PARM1: variants seen among roughly 807,000 people sequenced by gnomAD.
PARM1 encodes prostate androgen-regulated mucin-like protein 1.
In PARM1, 14 loss-of-function variants were observed where a neutral mutation model predicts 24.6. That is an observed-to-expected ratio of 0.57 (90% CI 0.38 to 0.89). The LOEUF (loss-of-function observed/expected upper bound fraction) is 0.89, where lower values mean the gene tolerates loss of function less well. PARM1 is among the 40% of genes least tolerant of loss of function. The pLI is 0.00. For synonymous variants in PARM1, 179 were observed against 156.6 expected (o/e 1.14, Z -1.07); for missense variants, 362 against 380.4 (o/e 0.95, Z 0.40).
At chr4:74,983,113 A>G (rs1722290115) in intron 1 of PARM1, among the ~76,000 whole-genome samples, 1 of 152,210 alleles carries the variant, frequency 6.6e-6, no homozygotes, top group South Asian at 2.1e-4. Flanking sequence ...GGAACTGATT[A>G]CAATTCATGA....
Position 74,936,757 on chromosome 4 carries a change from G to C in PARM1, c.43+3387G>C, listed in dbSNP as rs17248887. On this transcript the variant is annotated intron_variant, in intron 1 of 3. Coordinates refer to ENST00000307428, the MANE Select transcript of PARM1 (RefSeq NM_015393.4). ...GGTGTGAGCCACCGCGCCCGGGCAC[G>C]TTCAAGTTTTTTATGGCCCTATTTA... is the stretch of plus-strand genomic sequence containing the variant. Among the ~76,000 whole-genome samples, 4 of 152,034 alleles carry C rather than the reference G, an allele frequency of 2.6e-5. No homozygotes were observed. The South Asian group carries it at 6.2e-4, about 24-fold the overall frequency.
intron 1 of PARM1, among the ~76,000 whole-genome samples, chr4:74,975,132 A>G (rs1722116675): frequency 6.6e-6 from 1 of 152,222 alleles, no homozygotes; most frequent in Non-Finnish European, 1.5e-5. Context: ...AGTCTCTGCA[A>G]AGCTAGAACA....
chr4:74,959,417 T>C (rs1229429919), intron 1 of PARM1, among the ~76,000 whole-genome samples: 4 of 152,214 alleles, frequency 2.6e-5, no homozygotes. Flanking sequence ...ATTTCCACCT[T>C]AGAGAGTGTC....
intron 1 of PARM1, among the ~76,000 whole-genome samples, chr4:74,951,803 T>A (rs1721530371): frequency 6.6e-6 from 1 of 152,240 alleles, no homozygotes; most frequent in African/African-American, 2.4e-5. Context: ...TTCCATGGTG[T>A]GTATGTGCTA....
chr4:75,017,767 A>C (rs533084998), intron 2 of PARM1, among the ~76,000 whole-genome samples: 62 of 152,350 alleles, frequency 4.1e-4, no homozygotes, highest in Admixed American at 8.5e-4. Flanking sequence ...AACAGAGCCC[A>C]ACACATGGTA....
chr4:74,979,399 A>C (rs1380619258), intron 1 of PARM1, among the ~76,000 whole-genome samples: 1 of 152,200 alleles, frequency 6.6e-6, no homozygotes, highest in Non-Finnish European at 1.5e-5. Context: ...CACCCTCCCC[A>C]GACTGAGCCA....
At chr4:75,044,481 T>C (rs1723560038) in intron 3 of PARM1, among the ~76,000 whole-genome samples, 1 of 152,208 alleles carries the variant, frequency 6.6e-6, no homozygotes, top group Non-Finnish European at 1.5e-5. Context: ...GAGGACTTAC[T>C]GTGTGTCAGA....
At chr4:74,979,124 A>C (rs541951332) in intron 1 of PARM1, among the ~76,000 whole-genome samples, 28 of 152,092 alleles carry the variant, frequency 1.8e-4, no homozygotes, top group African/African-American at 6.8e-4. Context: ...GAACAGAAGG[A>C]GATAGAGACG....
intron 1 of PARM1, among the ~76,000 whole-genome samples, chr4:75,008,351 T>C (rs1722810525): frequency 6.6e-6 from 1 of 152,212 alleles, no homozygotes; most frequent in Non-Finnish European, 1.5e-5. Flanking sequence ...AGGGTAGGAA[T>C]TGTAAAAGTG....
intron 1 of PARM1, among the ~76,000 whole-genome samples, chr4:74,942,588 G>C (rs983618353): frequency 6.6e-6 from 1 of 152,208 alleles, no homozygotes; most frequent in Non-Finnish European, 1.5e-5. Context: ...TCATTCTTGA[G>C]TCCTGTTTTT....
chr4:75,017,092 C>T (rs1033935075), intron 2 of PARM1, among the ~76,000 whole-genome samples: 12 of 152,146 alleles, frequency 7.9e-5, no homozygotes, highest in Non-Finnish European at 1.6e-4. Context: ...ACTGTATATC[C>T]TGTCCATGAG....
chr4:75,012,574 G>A lies in PARM1; in HGVS notation c.193G>A (p.Val65Met). The A allele has an allele frequency of 1.2e-6, 2 of 1,613,884 alleles. No homozygotes were observed. The highest frequency in any genetic ancestry group is 1.7e-5 in the Admixed American group (1 of 60,014). ...SPSNGTHNNSVLPVTASAPTS... is the reference protein window; with the variant it reads ...SPSNGTHNNSMLPVTASAPTS... ...ATCCAACGGCACTCACAACAACTCG[G>A]TGCTCCCAGTTACAGCATCAGCCCC... Residue 65 changes from valine (V) to methionine (M), a missense_variant, in exon 2 of 4, where the codon GTG (valine) becomes ATG (methionine). By Grantham distance (21) the Val-to-Met change is conservative. Coordinates refer to ENST00000307428, the MANE Select transcript of PARM1 (RefSeq NM_015393.4).
At chr4:74,946,549 A>G (rs555382556) in intron 1 of PARM1, among the ~76,000 whole-genome samples, 1 of 152,308 alleles carries the variant, frequency 6.6e-6, no homozygotes, top group Non-Finnish European at 1.5e-5. Flanking sequence ...AAAAGAATGA[A>G]GGCTCCTGGG....
chr4:74,997,489 A>G (rs577847562), intron 1 of PARM1, among the ~76,000 whole-genome samples: 2 of 152,334 alleles, frequency 1.3e-5, no homozygotes, highest in African/African-American at 4.8e-5. Flanking sequence ...GACATATCTG[A>G]GCCCAAATCC....
At chr4:75,011,730 G>C (rs1186696311) in intron 1 of PARM1, among the ~76,000 whole-genome samples, 1 of 152,210 alleles carries the variant, frequency 6.6e-6, no homozygotes, top group Non-Finnish European at 1.5e-5. Context: ...TGGAATTTCA[G>C]ACGACAGGGT....
intron 2 of PARM1, 84 bp from the exon 3 acceptor site, chr4:75,033,799 G>C: frequency 9.7e-7 from 1 of 1,030,620 alleles, no homozygotes; most frequent in South Asian, 1.6e-5. Context: ...GGATCAGGCA[G>C]AAGGTGGATA....
rs192863652 is a variant in PARM1 at position 74,992,893 on chromosome 4, G to A, written c.44-19532G>A. 3.3e-3 allele frequency among the ~76,000 whole-genome samples: 507 copies of A among 152,262 alleles called. 5 individuals carry two copies. The highest frequency in any genetic ancestry group is 0.011 in the African/African-American group (472 of 41,546). ...TGAAAATCTGGATCTAAACAAAGGA[G>A]TGAAGTGCTCCAGAAAGTATCTTTT... On this transcript the variant is annotated intron_variant, in intron 1 of 3. Transcript: ENST00000307428.
At chr4:74,987,598 G>A (rs566704865) in intron 1 of PARM1, among the ~76,000 whole-genome samples, 37 of 152,160 alleles carry the variant, frequency 2.4e-4, no homozygotes, top group South Asian at 1.0e-3. Context: ...AATATTCAAG[G>A]TGTTTGTTAA....
At chr4:74,939,472 A>T (rs768266948) in intron 1 of PARM1, among the ~76,000 whole-genome samples, 4 of 152,128 alleles carry the variant, frequency 2.6e-5, no homozygotes, top group Non-Finnish European at 5.9e-5. Context: ...TAATGGTAGC[A>T]ATGATCTTGC....
Sources: gnomAD v4.1 joint callset for allele counts (sites outside exome capture counted in the v4.1 genomes callset) on GRCh38, gnomAD v4.1.1 for gene constraint, MANE v1.5 for transcripts, NCBI Gene and HGNC (gene_info 2026-07-23, HGNC 2026-07-21) for gene names.